Variants in DNM2 observed in about 807,000 individuals in gnomAD.
DNM2 encodes dynamin-2.
In DNM2, 15 loss-of-function variants were observed where a neutral mutation model predicts 99.0. That is an observed-to-expected ratio of 0.15 (90% confidence interval 0.10 to 0.23). The LOEUF is 0.23. Among genes scored for constraint, DNM2 ranks in the 10% least tolerant of loss-of-function variants. DNM2 has a pLI of 1.00. For synonymous variants in DNM2, 525 were observed against 481.2 expected (o/e 1.09, Z -1.19); for missense variants, 742 against 1,189.4 (o/e 0.62, Z 5.53).
At chr19:10,779,179 C>T (rs1000840101) in intron 5 of DNM2, among the ~76,000 whole-genome samples, 1 of 150,660 alleles carries the variant, frequency 6.6e-6, no homozygotes, top group African/African-American at 2.4e-5. Flanking sequence ...GGCGCCACTT[C>T]ACTCCAGCCT....
At chr19:10,733,215 A>C (rs891916379) in intron 1 of DNM2, among the ~76,000 whole-genome samples, 6 of 131,048 alleles carry the variant, frequency 4.6e-5, no homozygotes, top group Admixed American at 8.3e-5. Context: ...TTTTGGAGAC[A>C]GGGTCCCACT....
chr19:10,807,041 G>A (rs1248879505), intron 13 of DNM2, among the ~76,000 whole-genome samples: 2 of 151,908 alleles, frequency 1.3e-5, no homozygotes, highest in Non-Finnish European at 2.9e-5. Context: ...AAATATGAAC[G>A]GCTGTATCAA....
chr19:10,743,033 C>T (rs2069816587), intron 1 of DNM2, among the ~76,000 whole-genome samples: 1 of 151,764 alleles, frequency 6.6e-6, no homozygotes, highest in African/African-American at 2.4e-5. Context: ...CCCACCTCAG[C>T]CTCTCAAGTA....
In DNM2 at chr19:10,817,806, TGTGTGTGTGTGCGCGCGCGCGCACGC is replaced by T. The variant is rs1377798738; in HGVS notation, c.1672-2170_1672-2145del. ...GAGGAGGGGCGCACACACACGTGTG[TGTGTGTGTGTGCGCGCGCGCGCACGC>T]GTGCGTGCCGGCAGCACCAGGAAGG... On this transcript the variant is annotated intron_variant, in intron 15 of 20. Coordinates refer to ENST00000389253, the MANE Select transcript of DNM2 (RefSeq NM_001005361.3). The surrounding 1 kb of genome is among the most constrained non-coding windows in gnomAD (Gnocchi z 4.6). Among the ~76,000 whole-genome samples, 4 of 133,304 alleles carry T rather than the reference TGTGTGTGTGTGCGCGCGCGCGCACGC, an allele frequency of 3.0e-5. No homozygotes were observed. The highest frequency in any genetic ancestry group is 2.9e-4 in the Admixed American group (4 of 13,856). 87.5% of individuals were successfully genotyped at this position (133,304 alleles called of 152,430 possible). A position where few individuals can be genotyped will look rare whatever the true frequency, so the allele number is the denominator to read the frequency against.
chr19:10,735,999 G>A (rs2069509402), intron 1 of DNM2, among the ~76,000 whole-genome samples: 1 of 152,120 alleles, frequency 6.6e-6, no homozygotes, highest in Non-Finnish European at 1.5e-5. Flanking sequence ...GCTGGGCACA[G>A]TGGCTGACGC....
At chr19:10,800,059 G>A (rs1444742476) in intron 11 of DNM2, among the ~76,000 whole-genome samples, 3 of 152,036 alleles carry the variant, frequency 2.0e-5, no homozygotes, top group African/African-American at 7.2e-5. Context: ...GTTTCGCCAT[G>A]TTGGCCAGGC....
intron 5 of DNM2, among the ~76,000 whole-genome samples, chr19:10,778,727 C>T (rs1162942316): frequency 6.6e-6 from 1 of 151,936 alleles, no homozygotes; most frequent in African/African-American, 2.4e-5. Context: ...TTTTCAAATA[C>T]TTCCCCTTGC....
rs1004690720 is a variant in DNM2, at chr19:10,812,470, C to T, written c.1671+93C>T. On this transcript the variant is annotated intron_variant, in intron 15 of 20. Coordinates refer to ENST00000389253, the MANE Select transcript of DNM2 (RefSeq NM_001005361.3). This position sits in a 1 kb window ranked among gnomAD's most constrained non-coding sequence, Gnocchi z 4.0. ...CCCTCTGGGCAGAACTCAGTCACTG[C>T]GCCACTCTGCCCTGAGTCACCATTA... The T allele has an allele frequency of 6.7e-6, 7 of 1,038,188 alleles. No individual in the cohort carries two copies. Among genetic ancestry groups the T allele is most frequent in the Middle Eastern group, 2.6e-4 (1 of 3,824 alleles). 64.3% of individuals were successfully genotyped at this position (1,038,188 alleles called of 1,614,324 possible).
rs959486133 is a variant in DNM2 at position 10,765,417 on chromosome 19, C to T, written c.235+5606C>T. On this transcript the variant is annotated intron_variant, in intron 2 of 20. Coordinates refer to ENST00000389253, the MANE Select transcript of DNM2 (RefSeq NM_001005361.3). The surrounding 1 kb of genome is among the most constrained non-coding windows in gnomAD (Gnocchi z 4.4). The stretch of plus-strand genomic sequence containing the variant: ...GCTGTGCCCCTTCTTGCCTACTGGG[C>T]GGGAAGTGATGGGGGTTACTTTACC... 3.9e-5 allele frequency among the ~76,000 whole-genome samples: 6 copies of T among 152,134 alleles called. No homozygotes were observed. Among genetic ancestry groups the T allele is most frequent in the Admixed American group, 6.5e-5 (1 of 15,270 alleles).
Position 10,749,549 on chromosome 19 carries a change from C to G in DNM2, c.162-10189C>G, listed in dbSNP as rs568565854. On this transcript the variant is annotated intron_variant, in intron 1 of 20. Transcript: ENST00000389253. ...CCCTCTGTGGCAGACTGGAAGTGTC[C>G]TCCCATTTCATGGATGGCCAAGTCA... is the stretch of plus-strand genomic sequence containing the variant. 1.0e-3 allele frequency among the ~76,000 whole-genome samples: 154 copies of G among 152,346 alleles called. 1 individual carries two copies. The highest frequency in any genetic ancestry group is 2.7e-3 in the Admixed American group (42 of 15,296).
chr19:10,821,682 C>A (rs2072974966), intron 16 of DNM2, among the ~76,000 whole-genome samples: 1 of 152,150 alleles, frequency 6.6e-6, no homozygotes, highest in South Asian at 2.1e-4. Context: ...CAGGCATGCA[C>A]CACCACGCCT....
intron 6 of DNM2, among the ~76,000 whole-genome samples, chr19:10,785,690 A>G (rs555510710): frequency 1.3e-5 from 2 of 150,642 alleles, no homozygotes; most frequent in East Asian, 3.9e-4. Flanking sequence ...ATCTGTCTCA[A>G]CCTCCCCAAG....
intron 1 of DNM2, among the ~76,000 whole-genome samples, chr19:10,749,287 T>C (rs982221846): frequency 6.6e-6 from 1 of 152,174 alleles, no homozygotes; most frequent in Non-Finnish European, 1.5e-5. Context: ...GGTGGAGCCT[T>C]GTGGTCTGTT....
At chr19:10,722,034 G>A (rs143015478) in intron 1 of DNM2, among the ~76,000 whole-genome samples, 1 of 152,290 alleles carries the variant, frequency 6.6e-6, no homozygotes, top group East Asian at 1.9e-4. Context: ...TTTTCTGTAA[G>A]CTGAGGGTGG....
chr19:10,748,990 A>G (rs1490633363), intron 1 of DNM2, among the ~76,000 whole-genome samples: 2 of 152,170 alleles, frequency 1.3e-5, no homozygotes, highest in Non-Finnish European at 2.9e-5. Flanking sequence ...CTGTGGTGTC[A>G]CGTGAGCCCT....
In DNM2 at chr19:10,831,042, G is replaced by C. The variant is rs772999145; in HGVS notation, c.2608G>C (p.Asp870His). Residue 870 changes from aspartate (D) to histidine (H), a missense_variant, in exon 21 of 21, where the codon GAC (aspartate) becomes CAC (histidine). Around this residue, in one of 7 missense-constraint regions of DNM2, gnomAD observed 187 missense variants for 218.8 expected, o/e 0.85. Coordinates refer to ENST00000389253, the MANE Select transcript of DNM2 (RefSeq NM_001005361.3). This position sits in a 1 kb window ranked among gnomAD's most constrained non-coding sequence, Gnocchi z 4.3. ...IIRPAEPSLL[D>H] Reference sequence around the variant, plus strand: ...CCGCCCAGCCGAGCCATCCCTGCTCGACTAGGCCTCGAGGGGGGCGTGCTC... The same window carrying C: ...CCGCCCAGCCGAGCCATCCCTGCTCCACTAGGCCTCGAGGGGGGCGTGCTC... 1.2e-6 allele frequency: 2 copies of C among 1,606,486 alleles called. No individual in the cohort carries two copies. Among genetic ancestry groups the C allele is most frequent in the Non-Finnish European group, 1.7e-6 (2 of 1,176,416 alleles).
rs922088248 is a variant in DNM2, at chr19:10,797,363, C to T, written c.1197-17C>T. On this transcript the variant is annotated splice_polypyrimidine_tract_variant and intron_variant, in intron 9 of 20. Transcript: ENST00000389253. ...CTGGGTGTCTTTCTGCCTCATCCTG[C>T]CCTCCGCATGACCCAGGACGGGGCT... 6 of 1,611,528 alleles carry T rather than the reference C, an allele frequency of 3.7e-6. No individual in the cohort carries two copies. The highest frequency in any genetic ancestry group is 4.2e-6 in the Non-Finnish European group (5 of 1,179,902).
chr19:10,721,376 T>C (rs1337309656), intron 1 of DNM2, among the ~76,000 whole-genome samples: 3 of 152,104 alleles, frequency 2.0e-5, no homozygotes, highest in Non-Finnish European at 4.4e-5. Flanking sequence ...AGGCTGGTCT[T>C]GAACTCCTGA....
chr19:10,756,173 T>C (rs2070375344), intron 1 of DNM2, among the ~76,000 whole-genome samples: 1 of 152,146 alleles, frequency 6.6e-6, no homozygotes, highest in Admixed American at 6.5e-5. Context: ...CTTTGGGGTC[T>C]GTCACCTGCA....
Sources: gnomAD v4.1 joint callset for allele counts (sites outside exome capture counted in the v4.1 genomes callset) on GRCh38, gnomAD v4.1.1 for gene constraint, gnomAD v4.1.1 regional missense constraint, Gnocchi (gnomAD v3.1) non-coding constraint, MANE v1.5 for transcripts, NCBI Gene and HGNC (gene_info 2026-07-23, HGNC 2026-07-21) for gene names.